Variants in WWOX observed in about 807,000 individuals in gnomAD.
The protein encoded by WWOX is WW domain containing oxidoreductase.
Under a neutral mutation model 46.2 loss-of-function variants are expected in WWOX, and 69 were observed. The observed-to-expected ratio is 1.49, with a 90% CI of 1.23 to 1.82. The LOEUF is 1.82. Among genes scored for constraint, WWOX ranks in the 40% most tolerant of loss-of-function variants. The pLI is 0.00. For missense variants in WWOX, 919 were observed against 542.6 expected (o/e 1.69, Z -6.89); for synonymous variants, 359 against 202.6 (o/e 1.77, Z -6.56).
chr16:78,684,784 G>C (rs879431167), intron 8 of WWOX, among the ~76,000 whole-genome samples: 7 of 152,160 alleles, frequency 4.6e-5, no homozygotes, highest in Admixed American at 4.6e-4. Context: ...TCACCTAGTT[G>C]AGCTTCTCTT....
At chr16:78,707,796 C>A (rs28591180) in intron 8 of WWOX, among the ~76,000 whole-genome samples, 7 of 151,354 alleles carry the variant, frequency 4.6e-5, no homozygotes, top group Admixed American at 3.3e-4. Flanking sequence ...GGCAGGAGAA[C>A]TGCACTCTAG....
chr16:79,003,037 G>T (rs2047124277), intron 8 of WWOX, among the ~76,000 whole-genome samples: 1 of 152,096 alleles, frequency 6.6e-6, no homozygotes, highest in Non-Finnish European at 1.5e-5. Context: ...CAGCCACAGG[G>T]CCTCACAGCA....
chr16:78,901,051 C>A (rs1208521203), intron 8 of WWOX, among the ~76,000 whole-genome samples: 1 of 152,082 alleles, frequency 6.6e-6, no homozygotes, highest in African/African-American at 2.4e-5. Flanking sequence ...CTTTTCAGAC[C>A]CAACCCTTGT....
intron 8 of WWOX, among the ~76,000 whole-genome samples, chr16:79,191,549 G>C (rs1480960295): frequency 6.6e-6 from 1 of 152,204 alleles, no homozygotes; most frequent in Non-Finnish European, 1.5e-5. Flanking sequence ...CTTCTAGCTG[G>C]TCGAAGGTCC....
At chr16:78,575,701 G>A (rs563692037) in intron 8 of WWOX, among the ~76,000 whole-genome samples, 9 of 152,196 alleles carry the variant, frequency 5.9e-5, no homozygotes, top group African/African-American at 1.9e-4. Flanking sequence ...CTAAAGCCAC[G>A]ATTTGGTCTT....
intron 8 of WWOX, among the ~76,000 whole-genome samples, chr16:79,162,575 G>T (rs1289341470): frequency 6.6e-6 from 1 of 152,208 alleles, no homozygotes; most frequent in African/African-American, 2.4e-5. Context: ...CCTTGGGGCG[G>T]AGACCTTAGG....
At chr16:79,199,968 G>C (rs538212589) in intron 8 of WWOX, among the ~76,000 whole-genome samples, 2 of 152,278 alleles carry the variant, frequency 1.3e-5, no homozygotes, top group African/African-American at 4.8e-5. Context: ...TCTGTTAACT[G>C]TGGGGGCAGA....
intron 8 of WWOX, among the ~76,000 whole-genome samples, chr16:78,911,592 A>G (rs2045113172): frequency 6.6e-6 from 1 of 152,072 alleles, no homozygotes; most frequent in Non-Finnish European, 1.5e-5. Flanking sequence ...CAGGCCGGGC[A>G]CAGTGGCTCA....
intron 5 of WWOX, among the ~76,000 whole-genome samples, chr16:78,180,804 C>T (rs777608205): frequency 6.6e-6 from 1 of 152,158 alleles, no homozygotes; most frequent in South Asian, 2.1e-4. Flanking sequence ...GTAAACCCAG[C>T]TGCACCCCAG....
At chr16:78,764,277 G>A (rs1378515170) in intron 8 of WWOX, among the ~76,000 whole-genome samples, 1 of 151,790 alleles carries the variant, frequency 6.6e-6, no homozygotes, top group South Asian at 2.1e-4. Flanking sequence ...TCCGTGGGGA[G>A]GAGCTGCCAC....
intron 5 of WWOX, among the ~76,000 whole-genome samples, chr16:78,367,259 G>T (rs372560052): frequency 2.0e-5 from 3 of 152,076 alleles, no homozygotes; most frequent in Admixed American, 2.0e-4. Context: ...GATTACAGGC[G>T]TGAGCCACCG....
Position 78,814,071 on chromosome 16 carries a change from G to A in WWOX, c.1056+381319G>A, listed in dbSNP as rs142787409. The stretch of plus-strand genomic sequence containing the variant: ...TATCTGCACTTACCAATACTGCCCA[G>A]GCACATGGGCTGTGGCTCAAGTTTT... On this transcript the variant is annotated intron_variant, in intron 8 of 8. Transcript: ENST00000566780. Among the ~76,000 whole-genome samples, 338 of 152,244 alleles carry A rather than the reference G, an allele frequency of 2.2e-3. 2 individuals are homozygous for A. The highest frequency in any genetic ancestry group is 7.7e-3 in the African/African-American group (322 of 41,552).
chr16:78,989,981 G>A (rs1044576244), intron 8 of WWOX, among the ~76,000 whole-genome samples: 50 of 151,878 alleles, frequency 3.3e-4, no homozygotes, highest in African/African-American at 8.7e-4. Flanking sequence ...TCACGAGTTC[G>A]AGGCTAGCCT....
chr16:78,366,838 C>T (rs546838713), intron 5 of WWOX, among the ~76,000 whole-genome samples: 2 of 151,924 alleles, frequency 1.3e-5, no homozygotes, highest in Non-Finnish European at 2.9e-5. Context: ...TATTTTCTTT[C>T]TACACATATA....
intron 8 of WWOX, among the ~76,000 whole-genome samples, chr16:78,694,439 G>A (rs932617076): frequency 1.3e-5 from 2 of 152,142 alleles, no homozygotes; most frequent in Non-Finnish European, 2.9e-5. Flanking sequence ...GGCAGAAGCA[G>A]CCTCCACTGA....
chr16:79,146,722 G>A (rs56928727), intron 8 of WWOX, among the ~76,000 whole-genome samples: 5,756 of 152,192 alleles, frequency 0.038, 369 homozygotes, highest in African/African-American at 0.13. Context: ...TGAGAATTAG[G>A]TGGTCAGAAA....
rs145743381 is a variant in WWOX, at chr16:78,837,417, C to T, written c.1057-374191C>T. ...TGTGATATTGCATCAAGGCAATTCA[C>T]GGCAGTGGTTGAACCAAAAGCAATT... On this transcript the variant is annotated intron_variant, in intron 8 of 8. Coordinates refer to ENST00000566780, the MANE Select transcript of WWOX (RefSeq NM_016373.4). 9.7e-4 allele frequency among the ~76,000 whole-genome samples: 147 copies of T among 152,230 alleles called. 3 individuals carry two copies. Among genetic ancestry groups the T allele is most frequent in the African/African-American group, 3.2e-3 (135 of 41,550 alleles).
rs188968449 is a variant in WWOX at position 79,134,924 on chromosome 16, A to G, written c.1057-76684A>G. On this transcript the variant is annotated intron_variant, in intron 8 of 8. Transcript: ENST00000566780. ...TAGCAAAGTGGAGTGAATGCCACCAATAATGAGTTCCAAACAGGGTATGTG... is the reference window on the plus strand; with the variant it reads ...TAGCAAAGTGGAGTGAATGCCACCAGTAATGAGTTCCAAACAGGGTATGTG... Among the ~76,000 whole-genome samples, 5 of 152,348 alleles carry G rather than the reference A, an allele frequency of 3.3e-5. No individual in the cohort carries two copies. The East Asian group carries it at 5.8e-4, about 18-fold the overall frequency.
At chr16:78,727,892 G>C (rs1365245524) in intron 8 of WWOX, among the ~76,000 whole-genome samples, 2 of 151,860 alleles carry the variant, frequency 1.3e-5, no homozygotes, top group Non-Finnish European at 2.9e-5. Flanking sequence ...AGTTATCCAG[G>C]ACCCAAAATA....
Sources: gnomAD v4.1 joint callset for allele counts (sites outside exome capture counted in the v4.1 genomes callset) on GRCh38, gnomAD v4.1.1 for gene constraint, MANE v1.5 for transcripts, NCBI Gene and HGNC (gene_info 2026-07-23, HGNC 2026-07-21) for gene names.